DLGAP2: variants seen among roughly 807,000 people sequenced by gnomAD.
The protein encoded by DLGAP2 is disks large-associated protein 2.
A neutral mutation model predicts 100.3 loss-of-function variants in DLGAP2; 26 were observed. The observed-to-expected ratio is 0.26, with a 90% CI of 0.19 to 0.36. The LOEUF is 0.36. Ranked by LOEUF, DLGAP2 falls within the 10% of genes least tolerant of loss-of-function variation. The pLI is 1.00. For synonymous variants in DLGAP2, 886 were observed against 630.1 expected (o/e 1.41, Z -6.08); for missense variants, 1,858 against 1,453.2 (o/e 1.28, Z -4.53).
At chr8:1,544,850 A>T (rs1801481259) in intron 4 of DLGAP2, among the ~76,000 whole-genome samples, 1 of 151,662 alleles carries the variant, frequency 6.6e-6, no homozygotes, top group Non-Finnish European at 1.5e-5. Context: ...CTCCTGCATC[A>T]GCCTCCTGAG....
At chr8:1,419,564 G>A (rs1425491908) in intron 3 of DLGAP2, among the ~76,000 whole-genome samples, 1 of 152,044 alleles carries the variant, frequency 6.6e-6, no homozygotes, top group Non-Finnish European at 1.5e-5. Flanking sequence ...ATGTTGATAC[G>A]TGTACATAAT....
intron 3 of DLGAP2, among the ~76,000 whole-genome samples, chr8:1,391,098 G>T (rs1483352791): frequency 6.6e-6 from 1 of 152,218 alleles, no homozygotes. Context: ...GAAAGAAGAC[G>T]TTCCAAGAGT....
At chr8:1,606,355 ATT>A (rs1198684235) in intron 6 of DLGAP2, among the ~76,000 whole-genome samples, 2 of 152,146 alleles carry the variant, frequency 1.3e-5, no homozygotes, top group Non-Finnish European at 2.9e-5. Context: ...AGTGCAATCC[ATT>A]TTAGAACATA....
At position 1,701,372 on chromosome 8, in the gene DLGAP2, A is replaced by T; in HGVS notation, c.3134A>T (p.Glu1045Val). Reference protein sequence around the residue: ...NSASERADSIEIYIPEAQTRL With the variant: ...NSASERADSIVIYIPEAQTRL ...GCCTCCGAGCGCGCGGACAGCATCG[A>T]GATCTACATCCCCGAGGCCCAGACC... Residue 1045 changes from glutamate to valine, a missense_variant, in exon 15 of 15, where the codon GAG (glutamate) becomes GTG (valine). Physicochemically the swap from Glu to Val is moderately radical, Grantham distance 121 (BLOSUM62 -2). Transcript: ENST00000637795. 1 of 1,598,408 alleles carries T rather than the reference A, an allele frequency of 6.3e-7. No individual in the cohort carries two copies. Among genetic ancestry groups the T allele is most frequent in the African/African-American group, 1.3e-5 (1 of 74,718 alleles).
intron 2 of DLGAP2, among the ~76,000 whole-genome samples, chr8:1,208,024 T>A: frequency 6.6e-6 from 1 of 152,230 alleles, no homozygotes; most frequent in Admixed American, 6.5e-5. Flanking sequence ...GTTGTCTGTT[T>A]ACTCTGCTGA....
intron 2 of DLGAP2, among the ~76,000 whole-genome samples, chr8:1,179,394 G>A (rs558703788): frequency 7.9e-5 from 12 of 152,354 alleles, no homozygotes; most frequent in African/African-American, 2.9e-4. Flanking sequence ...TGACTGTGCA[G>A]TCGATGGACA....
intron 2 of DLGAP2, among the ~76,000 whole-genome samples, chr8:1,162,265 G>T (rs1189613178): frequency 1.3e-5 from 2 of 152,192 alleles, no homozygotes; most frequent in Admixed American, 6.5e-5. Context: ...ATATTTGCCA[G>T]TGTTTACCCT....
intron 3 of DLGAP2, among the ~76,000 whole-genome samples, chr8:1,266,852 T>A (rs1208487466): frequency 6.6e-6 from 1 of 152,056 alleles, no homozygotes; most frequent in Non-Finnish European, 1.5e-5. Context: ...AGCTTCTGCT[T>A]GGATAATGAA....
At chr8:927,462 G>A (rs1451701884) in intron 2 of DLGAP2, among the ~76,000 whole-genome samples, 9 of 152,204 alleles carry the variant, frequency 5.9e-5, no homozygotes, top group Admixed American at 5.2e-4. Flanking sequence ...TTCACGTCAG[G>A]AATGTGCTTT....
chr8:1,501,081 G>A (rs949052945), intron 3 of DLGAP2, among the ~76,000 whole-genome samples: 8 of 151,574 alleles, frequency 5.3e-5, no homozygotes, highest in Non-Finnish European at 1.2e-4. Context: ...TTTGAAGTTA[G>A]GCCAGAGTTA....
chr8:1,225,479 T>C (rs1051522719), intron 2 of DLGAP2, among the ~76,000 whole-genome samples: 2 of 152,152 alleles, frequency 1.3e-5, no homozygotes, highest in African/African-American at 4.8e-5. Context: ...TTTGGACTGA[T>C]GAAAAACGTC....
intron 3 of DLGAP2, among the ~76,000 whole-genome samples, chr8:1,324,678 A>G (rs1237243891): frequency 6.6e-6 from 1 of 152,230 alleles, no homozygotes; most frequent in Admixed American, 6.5e-5. Flanking sequence ...TCCTTGAGCC[A>G]TGTCCTTTTC....
intron 2 of DLGAP2, among the ~76,000 whole-genome samples, chr8:1,025,553 G>A (rs934909860): frequency 6.6e-5 from 10 of 152,194 alleles, no homozygotes; most frequent in African/African-American, 2.4e-4. Context: ...GGTTTTAAGT[G>A]ATCGATATGG....
chr8:1,569,834 G>GC (rs1439369071), intron 6 of DLGAP2, among the ~76,000 whole-genome samples: 2 of 151,916 alleles, frequency 1.3e-5, no homozygotes, highest in African/African-American at 2.4e-5. Context: ...CTGTGGCACT[G>GC]TTCTGCGGAG....
At chr8:1,376,861 G>C (rs1352068327) in intron 3 of DLGAP2, among the ~76,000 whole-genome samples, 2 of 152,210 alleles carry the variant, frequency 1.3e-5, no homozygotes, top group African/African-American at 4.8e-5. Context: ...AAAGCGAAAT[G>C]TGCACGGGTA....
chr8:1,565,584 A>G, intron 5 of DLGAP2, 99 bp from the exon 6 acceptor site: 2 of 884,212 alleles, frequency 2.3e-6, no homozygotes, highest in Admixed American at 2.6e-5. Context: ...AAAGAGGTGT[A>G]TCTTTATGGA....
intron 3 of DLGAP2, among the ~76,000 whole-genome samples, chr8:1,290,631 T>G (rs553937738): frequency 1.4e-4 from 21 of 152,338 alleles, no homozygotes; most frequent in African/African-American, 4.8e-4. Context: ...GGCAGAGGCC[T>G]CCGTGGCAGG....
intron 1 of DLGAP2, among the ~76,000 whole-genome samples, chr8:775,258 A>G (rs941367861): frequency 4.3e-4 from 65 of 152,260 alleles, no homozygotes; most frequent in African/African-American, 1.3e-3. Context: ...GGCTGAGACA[A>G]TGGGGTTTTC....
intron 3 of DLGAP2, among the ~76,000 whole-genome samples, chr8:1,454,813 A>C (rs1266558344): frequency 6.6e-6 from 1 of 152,184 alleles, no homozygotes; most frequent in African/African-American, 2.4e-5. Flanking sequence ...CCCACTGAGC[A>C]CTCAGACCTT....
Sources: gnomAD v4.1 joint callset for allele counts (sites outside exome capture counted in the v4.1 genomes callset) on GRCh38, gnomAD v4.1.1 for gene constraint, MANE v1.5 for transcripts, NCBI Gene and HGNC (gene_info 2026-07-23, HGNC 2026-07-21) for gene names.